Variants in NOL4L observed in about 807,000 individuals in gnomAD.
NOL4L encodes nucleolar protein 4 like.
NOL4L carries 7 observed loss-of-function variants against 64.5 expected under a neutral mutation model. The ratio of observed to expected loss-of-function variants is 0.11; its 90% CI spans 0.06 to 0.20. The LOEUF is 0.20. Ranked by LOEUF, NOL4L falls within the 10% of genes least tolerant of loss-of-function variation. The probability of loss-of-function intolerance (pLI) is 1.00; values close to 1 mark genes in which losing one functional copy is unlikely to be tolerated. For missense variants in NOL4L, 680 were observed against 967.1 expected, an observed-to-expected ratio of 0.70 and a Z score of 3.94; for synonymous variants, 413 against 401.0, an observed-to-expected ratio of 1.03 and a Z score of -0.36.
intron 1 of NOL4L, among the ~76,000 whole-genome samples, chr20:32,538,241 G>A (rs2018585390): frequency 6.6e-6 from 1 of 152,190 alleles, no homozygotes; most frequent in Non-Finnish European, 1.5e-5. Context: ...GAGAGCCTTT[G>A]GGGGGCAGGG....
At chr20:32,572,429 G>A (rs1468561352) in intron 1 of NOL4L, 1 of 152,204 alleles carries the variant, frequency 6.6e-6, no homozygotes, top group African/African-American at 2.4e-5. Flanking sequence ...TCTCCCCACA[G>A]CAACTGGAAG....
chr20:32,494,270 A>AC (rs1340809044), intron 4 of NOL4L, among the ~76,000 whole-genome samples: 9 of 142,876 alleles, frequency 6.3e-5, no homozygotes, highest in African/African-American at 8.4e-5. Context: ...AAAAAAAAAA[A>AC]AAAAAAAAAA....
chr20:32,479,325 G>A (rs1438396959), intron 4 of NOL4L, among the ~76,000 whole-genome samples: 2 of 152,248 alleles, frequency 1.3e-5, no homozygotes, highest in African/African-American at 4.8e-5. Flanking sequence ...GTGCTCACTG[G>A]CTCACCCAGA....
At chr20:32,546,215 G>C (rs1410577315) in intron 1 of NOL4L, among the ~76,000 whole-genome samples, 2 of 152,012 alleles carry the variant, frequency 1.3e-5, no homozygotes, top group Non-Finnish European at 2.9e-5. Context: ...CAAAGTGCTG[G>C]GATTACAGGC....
intron 1 of NOL4L, among the ~76,000 whole-genome samples, chr20:32,562,247 A>G (rs965160146): frequency 5.3e-5 from 8 of 151,528 alleles, no homozygotes; most frequent in Non-Finnish European, 8.8e-5. Context: ...ATTGACTTCC[A>G]CCCCCCACCC....
chr20:32,538,383 C>CG (rs930399027), intron 1 of NOL4L, among the ~76,000 whole-genome samples: 1 of 152,030 alleles, frequency 6.6e-6, no homozygotes. Context: ...TCCCCAGTGG[C>CG]GGCGGGTGTC....
rs1220902358 is a variant in NOL4L, at chr20:32,453,374, T to C, written c.1427A>G (p.Glu476Gly). Residue 476 changes from glutamate to glycine, a missense_variant, in exon 8 of 11, where the codon GAG becomes GGG. By Grantham distance (98) the Glu-to-Gly change is moderately conservative. Around this residue, in one of 4 missense-constraint regions of NOL4L, gnomAD observed 70 missense variants for 166.1 expected, o/e 0.42. Coordinates refer to ENST00000621426, the MANE Select transcript of NOL4L (RefSeq NM_001256798.2). The surrounding 1 kb of genome is among the most constrained non-coding windows in gnomAD (Gnocchi z 5.6). Reference sequence around the variant, plus strand: ...CGTGCGGATGCGCTTGCGGGCCCGCTCCTGGAACTCAGGGAACTGCCGGCT... The same window carrying C: ...CGTGCGGATGCGCTTGCGGGCCCGCCCCTGGAACTCAGGGAACTGCCGGCT... ...SCSRQFPEFQ[E>G]RARKRIRTYL... 6.2e-7 allele frequency: 1 copy of C among 1,614,052 alleles called. No homozygotes were observed. Among genetic ancestry groups the C allele is most frequent in the East Asian group, 2.2e-5 (1 of 44,848 alleles).
intron 5 of NOL4L, among the ~76,000 whole-genome samples, chr20:32,474,135 G>A (rs1254576041): frequency 6.6e-6 from 1 of 152,274 alleles, no homozygotes; most frequent in Non-Finnish European, 1.5e-5. Flanking sequence ...ATCCCAAGGG[G>A]CTAGGGTGAA....
intron 1 of NOL4L, among the ~76,000 whole-genome samples, chr20:32,570,047 A>G (rs1028537025): frequency 2.6e-5 from 4 of 152,204 alleles, no homozygotes; most frequent in East Asian, 1.9e-4. Context: ...TAAGTCTCTT[A>G]CCAGCATGAA....
intron 4 of NOL4L, among the ~76,000 whole-genome samples, chr20:32,494,250 C>T (rs1271555678): frequency 4.6e-5 from 4 of 87,592 alleles, no homozygotes; most frequent in South Asian, 8.0e-4. Flanking sequence ...GAGATAATCT[C>T]GGGAAAAAAA....
chr20:32,521,401 T>C (rs1010659232), intron 2 of NOL4L, among the ~76,000 whole-genome samples: 4 of 152,120 alleles, frequency 2.6e-5, no homozygotes, highest in Non-Finnish European at 5.9e-5. Context: ...AGAACCTTCT[T>C]AGGAAGAGCT....
At chr20:32,527,605 C>T (rs191755055) in intron 2 of NOL4L, among the ~76,000 whole-genome samples, 153 bp downstream of exon 2, 172 of 152,226 alleles carry the variant, frequency 1.1e-3, no homozygotes, top group African/African-American at 3.8e-3. Flanking sequence ...CTCTGGCTGC[C>T]GTGCCCTTGC....
chr20:32,535,162 T>A (rs916535694), intron 1 of NOL4L, among the ~76,000 whole-genome samples: 18 of 151,646 alleles, frequency 1.2e-4, no homozygotes, highest in Non-Finnish European at 1.9e-4. Flanking sequence ...GAAGCTGTCA[T>A]AATTTGTAAA....
chr20:32,489,026 A>C (rs1418636408), intron 4 of NOL4L, among the ~76,000 whole-genome samples: 1 of 70,708 alleles, frequency 1.4e-5, no homozygotes. Flanking sequence ...ATCTTTTGTC[A>C]TGTATTTTGC....
At chr20:32,538,438 C>T (rs2018590018) in intron 1 of NOL4L, among the ~76,000 whole-genome samples, 1 of 151,514 alleles carries the variant, frequency 6.6e-6, no homozygotes, top group African/African-American at 2.4e-5. Context: ...CTGCCCCGGC[C>T]ATGACCTCCT....
intron 5 of NOL4L, among the ~76,000 whole-genome samples, chr20:32,459,549 A>G (rs756192296): frequency 1.3e-5 from 2 of 151,504 alleles, no homozygotes; most frequent in Non-Finnish European, 2.9e-5. Context: ...ATATTCAGCT[A>G]ATTTTGTGTA....
intron 5 of NOL4L, 95 bp downstream of exon 5, chr20:32,474,506 C>A: frequency 7.0e-7 from 1 of 1,429,182 alleles, no homozygotes; most frequent in Non-Finnish European, 9.2e-7. Flanking sequence ...CCAGATTCCG[C>A]CACCCTGGAG....
chr20:32,519,184 C>T (rs2017813999), intron 3 of NOL4L, among the ~76,000 whole-genome samples: 1 of 152,146 alleles, frequency 6.6e-6, no homozygotes, highest in African/African-American at 2.4e-5. Context: ...TCCTGCCCCT[C>T]GTGCTTTGAA....
chr20:32,564,038 G>A (rs1374525268), intron 1 of NOL4L, among the ~76,000 whole-genome samples: 1 of 152,180 alleles, frequency 6.6e-6, no homozygotes. Context: ...GAGACAAAGG[G>A]ACAAAGGCGC....
Sources: gnomAD v4.1 joint callset for allele counts (sites outside exome capture counted in the v4.1 genomes callset) on GRCh38, gnomAD v4.1.1 for gene constraint, gnomAD v4.1.1 regional missense constraint, Gnocchi (gnomAD v3.1) non-coding constraint, MANE v1.5 for transcripts, NCBI Gene and HGNC (gene_info 2026-07-23, HGNC 2026-07-21) for gene names.